MYO6: variants seen among roughly 807,000 people sequenced by gnomAD.
MYO6 encodes the protein myosin VI.
Under a neutral mutation model 178.7 loss-of-function variants are expected in MYO6, and 74 were observed. The observed-to-expected ratio is 0.41, with a 90% CI of 0.34 to 0.50. The LOEUF is 0.50. Ranked by LOEUF, MYO6 falls within the 20% of genes least tolerant of loss-of-function variation. The pLI is 0.09. For synonymous variants in MYO6, 477 were observed against 504.6 expected (o/e 0.95, Z 0.73); for missense variants, 1,330 against 1,547.4 (o/e 0.86, Z 2.36).
intron 7 of MYO6, among the ~76,000 whole-genome samples, chr6:75,840,266 A>G (rs1204598118): frequency 1.3e-5 from 2 of 151,460 alleles, no homozygotes; most frequent in East Asian, 1.9e-4. Context: ...GGTTCAAGTA[A>G]TTCTCCTGCC....
Position 75,914,167 on chromosome 6 carries a change from T to C in MYO6, c.3544T>C (p.Tyr1182His). 6.2e-7 allele frequency: 1 copy of C among 1,614,100 alleles called. No individual in the cohort carries two copies. The highest frequency in any genetic ancestry group is 2.2e-5 in the East Asian group (1 of 44,880). Reference protein sequence around the residue: ...RIPFIRPADQYKDPQSKKKGW... With the variant: ...RIPFIRPADQHKDPQSKKKGW... Reference sequence around the variant, plus strand: ...CCCATTCATCCGCCCTGCCGACCAGTACAAAGACCCTCAGAGTAAGAAAAA... The same window carrying C: ...CCCATTCATCCGCCCTGCCGACCAGCACAAAGACCCTCAGAGTAAGAAAAA... The change falls in exon 34 of 35, where the codon TAC becomes CAC. Residue 1182 changes from tyrosine (Y) to histidine (H), a missense_variant. Physicochemically the swap from Tyr to His is moderately conservative, Grantham distance 83. Coordinates refer to ENST00000369977, the MANE Select transcript of MYO6 (RefSeq NM_004999.4).
chr6:75,892,659 G>A lies in MYO6; in HGVS notation c.3076G>A (p.Asp1026Asn). The change falls in exon 28 of 35, where the codon GAT becomes AAT. Residue 1026 changes from aspartate to asparagine, a missense_variant. Physicochemically the swap from Asp to Asn is conservative, Grantham distance 23. Transcript: ENST00000369977. ...IAQSEAELIS[D>N]EAQADLALRR... ...CCAGAGTGAAGCCGAGCTCATCAGT[G>A]ATGAGGCCCAGGCCGACCTGGCGCT... 6.2e-7 allele frequency: 1 copy of A among 1,612,696 alleles called. No homozygotes were observed. The highest frequency in any genetic ancestry group is 8.5e-7 in the Non-Finnish European group (1 of 1,179,998).
chr6:75,881,227 T>C (rs943853830), intron 22 of MYO6, among the ~76,000 whole-genome samples: 3 of 151,988 alleles, frequency 2.0e-5, no homozygotes, highest in Non-Finnish European at 2.9e-5. Context: ...GCAAAAAAGG[T>C]TGGGGGTGGG....
intron 1 of MYO6, among the ~76,000 whole-genome samples, chr6:75,814,865 A>C (rs1165250811): frequency 2.3e-5 from 3 of 131,106 alleles, no homozygotes; most frequent in African/African-American, 5.9e-5. Context: ...ACCCAGTCTC[A>C]AAAAAAAAAA....
chr6:75,869,713 C>G (rs1461816800), intron 18 of MYO6, among the ~76,000 whole-genome samples: 3 of 152,068 alleles, frequency 2.0e-5, no homozygotes. Flanking sequence ...ACATCATAAT[C>G]AATGTTATAA....
intron 2 of MYO6, among the ~76,000 whole-genome samples, chr6:75,820,097 G>A (rs1208419724): frequency 2.6e-5 from 4 of 152,174 alleles, no homozygotes; most frequent in African/African-American, 9.7e-5. Flanking sequence ...TTCTGTATTT[G>A]CAGCAGTGGT....
intron 1 of MYO6, among the ~76,000 whole-genome samples, chr6:75,772,335 A>AC (rs1018302138): frequency 1.1e-4 from 17 of 151,596 alleles, no homozygotes; most frequent in African/African-American, 3.6e-4. Flanking sequence ...ACTATCCCCC[A>AC]CCCCCGTCGC....
intron 18 of MYO6, among the ~76,000 whole-genome samples, 198 bp from the exon 19 acceptor site, chr6:75,870,449 T>C (rs1236361492): frequency 1.3e-5 from 2 of 152,264 alleles, no homozygotes; most frequent in Non-Finnish European, 2.9e-5. Flanking sequence ...TAAGTTATTG[T>C]TCTTGCATTA....
intron 20 of MYO6, among the ~76,000 whole-genome samples, chr6:75,873,981 A>G (rs1777366040): frequency 1.3e-5 from 2 of 152,222 alleles, no homozygotes; most frequent in East Asian, 1.9e-4. Flanking sequence ...ATTTTTCCCA[A>G]GGTATCAGCC....
intron 3 of MYO6, among the ~76,000 whole-genome samples, chr6:75,825,417 ACC>A (rs1772360378): frequency 6.6e-6 from 1 of 152,138 alleles, no homozygotes; most frequent in Non-Finnish European, 1.5e-5. Flanking sequence ...ACATGGTGAA[ACC>A]CTGTCTCTAC....
At chr6:75,773,643 A>G (rs2150028890) in intron 1 of MYO6, among the ~76,000 whole-genome samples, 1 of 152,338 alleles carries the variant, frequency 6.6e-6, no homozygotes, top group Non-Finnish European at 1.5e-5. Context: ...CTTATGTTGC[A>G]GTAGGGAGAT....
rs953479923 is a variant in MYO6, at chr6:75,875,399, C to A, written c.2077+2099C>A. On this transcript the variant is annotated intron_variant, in intron 20 of 34. Transcript: ENST00000369977. ...AAGTGATCCTTCTGCTTCAGCCTCT[C>A]AAGTAGCTGGAACTAGAGGCATGTG... Among the ~76,000 whole-genome samples, 8 of 152,140 alleles carry A rather than the reference C, an allele frequency of 5.3e-5. No individual in the cohort carries two copies. The East Asian group carries it at 1.2e-3, about 22-fold the overall frequency.
intron 23 of MYO6, among the ~76,000 whole-genome samples, chr6:75,885,206 C>A (rs1030170065): frequency 6.6e-6 from 1 of 152,134 alleles, no homozygotes; most frequent in Non-Finnish European, 1.5e-5. Flanking sequence ...CTTTCAACAT[C>A]TTTTTATTTT....
rs1343627624 is a variant in MYO6, at chr6:75,918,803, T to C, written c.*3791T>C. 2.0e-5 allele frequency: 3 copies of C among 152,238 alleles called. No homozygotes were observed. Among genetic ancestry groups the C allele is most frequent in the Non-Finnish European group, 2.9e-5 (2 of 68,052 alleles). The allele number at this position is 152,238 out of a possible 1,614,324, so 9.4% of individuals were successfully genotyped here. ...TAATGCACATTCAAAAGGAGAATCT[T>C]CAGTACAAATTTGTTTTTTTAAAAA... On this transcript the variant is annotated 3_prime_UTR_variant, in exon 35 of 35. Coordinates refer to ENST00000369977, the MANE Select transcript of MYO6 (RefSeq NM_004999.4).
chr6:75,788,017 T>G (rs1211203761), intron 1 of MYO6, among the ~76,000 whole-genome samples: 1 of 151,754 alleles, frequency 6.6e-6, no homozygotes, highest in East Asian at 1.9e-4. Context: ...TACCTTGGCC[T>G]CCCAAACTTG....
chr6:75,784,606 T>C (rs1320049917), intron 1 of MYO6, among the ~76,000 whole-genome samples: 1 of 151,594 alleles, frequency 6.6e-6, no homozygotes, highest in East Asian at 2.0e-4. Flanking sequence ...ACCCCGTCTC[T>C]ACTAAAAATA....
At position 75,855,254 on chromosome 6, in the gene MYO6, A is replaced by T. The variant is rs771770026; in HGVS notation, c.1194A>T (p.Thr398=). The T allele has an allele frequency of 6.2e-7, 1 of 1,613,694 alleles. No individual in the cohort carries two copies. Among genetic ancestry groups the T allele is most frequent in the South Asian group, 1.1e-5 (1 of 91,068 alleles). The change falls in exon 12 of 35, where the codon ACA becomes ACT. Residue 398 remains threonine (T), a synonymous_variant. Coordinates refer to ENST00000369977, the MANE Select transcript of MYO6 (RefSeq NM_004999.4). The part of the protein sequence containing the change: ...VSLTTRVMLT[T]AGGTKGTVIK... ...TGACCACAAGAGTCATGCTAACAAC[A>T]GCAGGGGGCACCAAAGGAACAGTTA...
At chr6:75,775,809 A>G (rs1198508971) in intron 1 of MYO6, among the ~76,000 whole-genome samples, 4 of 152,222 alleles carry the variant, frequency 2.6e-5, no homozygotes, top group Admixed American at 6.5e-5. Flanking sequence ...ACTATTATGC[A>G]GGGATGGAAA....
chr6:75,866,585 T>C lies in MYO6; in HGVS notation c.1734T>C (p.Ile578=). The C allele has an allele frequency of 1.2e-6, 2 of 1,614,076 alleles. No homozygotes were observed. The highest frequency in any genetic ancestry group is 2.2e-5 in the South Asian group (2 of 91,088). ...HRNIRDDEGF[I]IRHFAGAVCY... ...ATATCAGAGACGACGAAGGCTTCATTATCAGGCATTTTGCGGGGGCAGTGT... is the reference window on the plus strand; with the variant it reads ...ATATCAGAGACGACGAAGGCTTCATCATCAGGCATTTTGCGGGGGCAGTGT... Residue 578 remains isoleucine, a synonymous_variant, in exon 17 of 35, where the codon ATT becomes ATC. Coordinates refer to ENST00000369977, the MANE Select transcript of MYO6 (RefSeq NM_004999.4).
Sources: allele counts gnomAD v4.1 joint callset (sites outside exome capture counted in the v4.1 genomes callset), GRCh38; gene constraint gnomAD v4.1.1; transcripts MANE v1.5; gene names NCBI Gene and HGNC (gene_info 2026-07-23, HGNC 2026-07-21).